GLCE: variants seen among roughly 807,000 people sequenced by gnomAD.
GLCE encodes D-glucuronyl C5-epimerase.
A neutral mutation model predicts 47.9 loss-of-function variants in GLCE; 19 were observed. That is an observed-to-expected ratio of 0.40 (90% CI 0.28 to 0.58). The LOEUF is 0.58. GLCE is among the 20% of genes least tolerant of loss of function. GLCE has a pLI of 0.48. For synonymous variants in GLCE, 245 were observed against 263.4 expected (o/e 0.93, Z 0.68); for missense variants, 556 against 743.3 (o/e 0.75, Z 2.93).
chr15:69,234,766 T>A (rs890075703), intron 2 of GLCE, among the ~76,000 whole-genome samples: 1 of 151,862 alleles, frequency 6.6e-6, no homozygotes, highest in African/African-American at 2.4e-5. Context: ...TTTGGTAACC[T>A]TCTTATTTGC....
At chr15:69,205,475 G>A (rs1183544774) in intron 1 of GLCE, among the ~76,000 whole-genome samples, 1 of 152,076 alleles carries the variant, frequency 6.6e-6, no homozygotes, top group African/African-American at 2.4e-5. Context: ...ATAGGATTTT[G>A]TGCAAATGAG....
chr15:69,261,222 A>G lies in GLCE; in HGVS notation c.722A>G (p.Asp241Gly), dbSNP rs753296619. 6.2e-7 allele frequency: 1 copy of G among 1,614,170 alleles called. No homozygotes were observed. The highest frequency in any genetic ancestry group is 1.1e-5 in the South Asian group (1 of 91,088). The change falls in exon 4 of 5, where the codon GAC becomes GGC. Residue 241 changes from aspartate (D) to glycine (G), a missense_variant. Coordinates refer to ENST00000261858, the MANE Select transcript of GLCE (RefSeq NM_015554.3). ...PHIEVYETAE[D>G]RDKNKPNDWT... ...ATAGAGGTATATGAAACAGCAGAAGACAGAGACAAAAACAAGCCTAATGAC... is the reference window on the plus strand; with the variant it reads ...ATAGAGGTATATGAAACAGCAGAAGGCAGAGACAAAAACAAGCCTAATGAC...
In GLCE at chr15:69,261,178, A is replaced by C; in HGVS notation, c.678A>C (p.Leu226=). 1 of 1,613,992 alleles carries C rather than the reference A, an allele frequency of 6.2e-7. No individual in the cohort carries two copies. Among genetic ancestry groups the C allele is most frequent in the Non-Finnish European group, 8.5e-7 (1 of 1,179,862 alleles). The part of the protein sequence containing the change: ...QYGLSHYSKN[L]TEKPPHIEVY... The stretch of plus-strand genomic sequence containing the variant: ...GATTAAGTCATTACAGCAAGAATCT[A>C]ACTGAGAAACCTCCTCACATAGAGG... The change falls in exon 4 of 5, where the codon CTA becomes CTC. Residue 226 remains leucine, a synonymous_variant. Transcript: ENST00000261858.
intron 1 of GLCE, chr15:69,197,122 C>A: frequency 2.8e-6 from 1 of 362,964 alleles, no homozygotes; most frequent in South Asian, 2.3e-5. Context: ...CAGCATTGAT[C>A]AACATAAAGG....
chr15:69,261,308 G>A lies in GLCE; in HGVS notation c.808G>A (p.Val270Ile). 1 of 1,613,812 alleles carries A rather than the reference G, an allele frequency of 6.2e-7. No homozygotes were observed. Among genetic ancestry groups the A allele is most frequent in the Non-Finnish European group, 8.5e-7 (1 of 1,179,882 alleles). The change falls in exon 4 of 5, where the codon GTC (valine) becomes ATC (isoleucine). Residue 270 changes from valine to isoleucine, a missense_variant. By Grantham distance (29) the Val-to-Ile change is conservative. Around this residue, in one of 3 missense-constraint regions of GLCE, gnomAD observed 74 missense variants for 64.4 expected, o/e 1.15. Coordinates refer to ENST00000261858, the MANE Select transcript of GLCE (RefSeq NM_015554.3). ...NVADKSRFTN[V>I]KQFIAPETSE... ...GGCTGATAAGTCTAGATTCACCAAT[G>A]TCAAACAGTTTATTGCACCAGGTAA...
chr15:69,201,114 C>T (rs2140363416), intron 1 of GLCE, among the ~76,000 whole-genome samples: 1 of 152,232 alleles, frequency 6.6e-6, no homozygotes, highest in Middle Eastern at 3.4e-3. Context: ...CTGTCTTCCT[C>T]TTCCACTTTA....
chr15:69,218,341 C>T (rs1001238971), intron 2 of GLCE, among the ~76,000 whole-genome samples: 31 of 151,830 alleles, frequency 2.0e-4, no homozygotes, highest in Middle Eastern at 6.3e-3. Flanking sequence ...GAAACCCCAT[C>T]TCTGCCAAAA....
chr15:69,244,388 G>A (rs1002425802), intron 2 of GLCE, among the ~76,000 whole-genome samples: 5 of 152,092 alleles, frequency 3.3e-5, no homozygotes. Context: ...AGAACAACTA[G>A]ATAACTTTTC....
chr15:69,171,538 A>G (rs2051588911), intron 1 of GLCE, among the ~76,000 whole-genome samples: 1 of 151,882 alleles, frequency 6.6e-6, no homozygotes, highest in Non-Finnish European at 1.5e-5. Flanking sequence ...CTGGGATTAC[A>G]GGCGCCTGCC....
chr15:69,246,636 A>C (rs574075264), intron 2 of GLCE, among the ~76,000 whole-genome samples: 2 of 152,030 alleles, frequency 1.3e-5, no homozygotes, highest in East Asian at 3.9e-4. Flanking sequence ...GAATCGCTTG[A>C]ATCCGGGAGG....
intron 2 of GLCE, among the ~76,000 whole-genome samples, chr15:69,223,654 T>C (rs1414574081): frequency 6.6e-6 from 1 of 152,192 alleles, no homozygotes; most frequent in Non-Finnish European, 1.5e-5. Context: ...ATTCATGTGA[T>C]CTCTTTGCCT....
chr15:69,251,690 G>T (rs2052846821), intron 2 of GLCE, among the ~76,000 whole-genome samples: 1 of 152,136 alleles, frequency 6.6e-6, no homozygotes, highest in South Asian at 2.1e-4. Context: ...GATTAGGTAA[G>T]TTTTTTGCTG....
intron 1 of GLCE, among the ~76,000 whole-genome samples, chr15:69,186,929 G>T (rs1005366216): frequency 6.6e-6 from 1 of 151,880 alleles, no homozygotes; most frequent in African/African-American, 2.4e-5. Flanking sequence ...TTTCACATTG[G>T]GTGAAGTTTG....
At chr15:69,242,947 C>T (rs1196559471) in intron 2 of GLCE, among the ~76,000 whole-genome samples, 1 of 151,336 alleles carries the variant, frequency 6.6e-6, no homozygotes, top group Admixed American at 6.6e-5. Context: ...GTCCCAGCTA[C>T]CCAGGAGGCT....
At chr15:69,212,839 A>G (rs190792968) in intron 2 of GLCE, among the ~76,000 whole-genome samples, 21 of 152,106 alleles carry the variant, frequency 1.4e-4, no homozygotes, top group African/African-American at 4.3e-4. Context: ...TAGGAAGTCA[A>G]CCTCCAAGAT....
chr15:69,204,438 A>G (rs2052121845), intron 1 of GLCE, among the ~76,000 whole-genome samples: 1 of 151,816 alleles, frequency 6.6e-6, no homozygotes, highest in African/African-American at 2.4e-5. Context: ...GTGTGCCACC[A>G]CACCCAGCTA....
At chr15:69,233,915 T>TCATA (rs982693955) in intron 2 of GLCE, among the ~76,000 whole-genome samples, 1 of 151,882 alleles carries the variant, frequency 6.6e-6, no homozygotes, top group Non-Finnish European at 1.5e-5. Flanking sequence ...GGAAGAAAAC[T>TCATA]CATACATACA....
chr15:69,228,477 G>T (rs2052478459), intron 2 of GLCE, among the ~76,000 whole-genome samples: 1 of 152,036 alleles, frequency 6.6e-6, no homozygotes, highest in Non-Finnish European at 1.5e-5. Context: ...AACAGTAAAA[G>T]AATTATTAGC....
chr15:69,209,419 C>T (rs1053684731), intron 1 of GLCE, among the ~76,000 whole-genome samples: 1 of 149,454 alleles, frequency 6.7e-6, no homozygotes, highest in African/African-American at 2.5e-5. Context: ...AGTAGACAGT[C>T]AACCCAGTTA....
Sources: gnomAD v4.1 joint callset for allele counts (sites outside exome capture counted in the v4.1 genomes callset) on GRCh38, gnomAD v4.1.1 for gene constraint, gnomAD v4.1.1 regional missense constraint, MANE v1.5 for transcripts, NCBI Gene and HGNC (gene_info 2026-07-23, HGNC 2026-07-21) for gene names.